The following MACROD2 variants were observed in gnomAD, a reference collection of about 807,000 sequenced individuals.
The protein encoded by MACROD2 is mono-ADP ribosylhydrolase 2, also known as ADP-ribose glycohydrolase MACROD2.
Under a neutral mutation model 70.4 loss-of-function variants are expected in MACROD2, and 36 were observed. The observed-to-expected ratio is 0.51, with a 90% CI of 0.39 to 0.68. MACROD2 has a LOEUF of 0.68. MACROD2 is among the 30% of genes least tolerant of loss of function. The pLI is 0.00. For synonymous variants in MACROD2, 172 were observed against 178.8 expected, an observed-to-expected ratio of 0.96 and a Z score of 0.30; for missense variants, 496 against 538.4, an observed-to-expected ratio of 0.92 and a Z score of 0.78.
chr20:14,387,304 A>G (rs2083478570), intron 3 of MACROD2, among the ~76,000 whole-genome samples: 3 of 152,146 alleles, frequency 2.0e-5, no homozygotes, highest in Admixed American at 1.3e-4. Flanking sequence ...CCCCTCTCCA[A>G]GGATTGCTGT....
intron 8 of MACROD2, among the ~76,000 whole-genome samples, chr20:15,862,138 A>T (rs371060781): frequency 3.8e-4 from 58 of 152,320 alleles, no homozygotes; most frequent in African/African-American, 1.3e-3. Context: ...GCATTTACTT[A>T]TTCAATAATA....
intron 3 of MACROD2, among the ~76,000 whole-genome samples, chr20:14,139,397 G>T (rs1313921206): frequency 6.6e-6 from 1 of 152,192 alleles, no homozygotes; most frequent in Non-Finnish European, 1.5e-5. Context: ...GCAGAGCTAA[G>T]ATTCAAACAC....
chr20:15,629,991 G>A (rs551201510), intron 8 of MACROD2, among the ~76,000 whole-genome samples: 6 of 151,724 alleles, frequency 4.0e-5, no homozygotes, highest in Non-Finnish European at 5.9e-5. Flanking sequence ...TTTTTTTTCC[G>A]TTCTCATTCT....
At chr20:15,024,127 C>G (rs2075211453) in intron 5 of MACROD2, among the ~76,000 whole-genome samples, 1 of 152,110 alleles carries the variant, frequency 6.6e-6, no homozygotes, top group African/African-American at 2.4e-5. Context: ...TTAGATTTAT[C>G]TCTCCCACCC....
intron 3 of MACROD2, among the ~76,000 whole-genome samples, chr20:14,260,459 A>G (rs1417453213): frequency 6.6e-6 from 1 of 152,130 alleles, no homozygotes; most frequent in African/African-American, 2.4e-5. Flanking sequence ...GTTTTAAGAG[A>G]CAGGATCTGG....
chr20:15,720,848 A>G (rs1445253151), intron 8 of MACROD2, among the ~76,000 whole-genome samples: 2 of 152,212 alleles, frequency 1.3e-5, no homozygotes, highest in Admixed American at 6.5e-5. Flanking sequence ...AAATGAAAAT[A>G]TAGTTGAGAG....
At chr20:15,343,150 C>T in intron 6 of MACROD2, among the ~76,000 whole-genome samples, 1 of 152,222 alleles carries the variant, frequency 6.6e-6, no homozygotes, top group East Asian at 1.9e-4. Flanking sequence ...TCAGCCAGGC[C>T]TTCCGCTCAC....
chr20:15,809,782 T>C (rs1472546598), intron 8 of MACROD2, among the ~76,000 whole-genome samples: 1 of 151,838 alleles, frequency 6.6e-6, no homozygotes, highest in Non-Finnish European at 1.5e-5. Flanking sequence ...AACTCTCTCT[T>C]AAAGCTTAAG....
At chr20:15,596,594 T>C (rs1189742978) in intron 8 of MACROD2, among the ~76,000 whole-genome samples, 1 of 152,216 alleles carries the variant, frequency 6.6e-6, no homozygotes, top group East Asian at 1.9e-4. Context: ...TTATAAGTAC[T>C]CTTGAAAGCC....
At chr20:14,763,166 T>C (rs1222300092) in intron 5 of MACROD2, among the ~76,000 whole-genome samples, 1 of 152,112 alleles carries the variant, frequency 6.6e-6, no homozygotes, top group Non-Finnish European at 1.5e-5. Flanking sequence ...GTGATATTTA[T>C]GCAAGTCTTC....
chr20:14,467,753 T>G (rs116338091), intron 3 of MACROD2, among the ~76,000 whole-genome samples: 1,810 of 152,270 alleles, frequency 0.012, 44 homozygotes, highest in African/African-American at 0.041. Context: ...CATTTAGTGC[T>G]TCACATTTCC....
intron 5 of MACROD2, among the ~76,000 whole-genome samples, chr20:14,913,710 T>A (rs2074056662): frequency 6.6e-6 from 1 of 152,090 alleles, no homozygotes; most frequent in African/African-American, 2.4e-5. Context: ...ATTAAAAAAA[T>A]TCCAAATTCC....
At chr20:15,898,826 T>C (rs1177629121) in intron 10 of MACROD2, among the ~76,000 whole-genome samples, 2 of 151,936 alleles carry the variant, frequency 1.3e-5, no homozygotes, top group Non-Finnish European at 1.5e-5. Flanking sequence ...AGCTCAGCCA[T>C]GTATTCAAGA....
At chr20:15,707,526 G>C (rs1030822316) in intron 8 of MACROD2, among the ~76,000 whole-genome samples, 2 of 152,234 alleles carry the variant, frequency 1.3e-5, no homozygotes, top group East Asian at 3.9e-4. Context: ...GCTCAGGCCT[G>C]TAATTCTACC....
chr20:14,881,688 G>C (rs1330058161), intron 5 of MACROD2, among the ~76,000 whole-genome samples: 1 of 152,094 alleles, frequency 6.6e-6, no homozygotes, highest in African/African-American at 2.4e-5. Context: ...GTGGCATTAA[G>C]AGAGTAGTGT....
At chr20:15,936,688 T>TATATATATATATATA in intron 11 of MACROD2, among the ~76,000 whole-genome samples, 1 of 150,586 alleles carries the variant, frequency 6.6e-6, no homozygotes, top group Non-Finnish European at 1.5e-5. Context: ...TATATATATA[T>TATATATATATATATA]TCATTTTCCA....
rs565164413 is a variant in MACROD2, at chr20:14,215,145, C to T, written c.271+129417C>T. 1.7e-3 allele frequency among the ~76,000 whole-genome samples: 251 copies of T among 143,836 alleles called. 1 individual carries two copies. The highest frequency in any genetic ancestry group is 1.9e-3 in the Non-Finnish European group (126 of 65,114). 94.4% of individuals were successfully genotyped at this position (143,836 alleles called of 152,430 possible). A position where few individuals can be genotyped will look rare whatever the true frequency, so the allele number is the denominator to read the frequency against. On this transcript the variant is annotated intron_variant, in intron 3 of 17. Coordinates refer to ENST00000684519, the MANE Select transcript of MACROD2 (RefSeq NM_001351661.2). ...ATATATTCCATCATATATATATATTCCATCATATATGTTCCATCATATATA... is the reference window on the plus strand; with the variant it reads ...ATATATTCCATCATATATATATATTTCATCATATATGTTCCATCATATATA...
intron 5 of MACROD2, among the ~76,000 whole-genome samples, chr20:14,786,011 T>A (rs2072366207): frequency 6.6e-6 from 1 of 152,010 alleles, no homozygotes; most frequent in South Asian, 2.1e-4. Flanking sequence ...TTGATGAAAA[T>A]GCATATTATA....
chr20:15,562,900 A>G (rs1186617002), intron 8 of MACROD2, among the ~76,000 whole-genome samples: 1 of 152,188 alleles, frequency 6.6e-6, no homozygotes, highest in Admixed American at 6.5e-5. Flanking sequence ...AGCTAGGGAG[A>G]CCCAGTGACA....
Sources: allele counts gnomAD v4.1 joint callset (sites outside exome capture counted in the v4.1 genomes callset), GRCh38; gene constraint gnomAD v4.1.1; transcripts MANE v1.5; gene names NCBI Gene and HGNC (gene_info 2026-07-23, HGNC 2026-07-21).